Variants in ERLEC1 observed in about 807,000 individuals in gnomAD.
The protein encoded by ERLEC1 is endoplasmic reticulum lectin 1, also known as ER lectin.
A neutral mutation model predicts 68.0 loss-of-function variants in ERLEC1; 47 were observed. The ratio of observed to expected loss-of-function variants is 0.69; its 90% CI spans 0.55 to 0.88. ERLEC1 has a LOEUF of 0.88. ERLEC1 is among the 40% of genes least tolerant of loss of function. The pLI is 0.00. For synonymous variants in ERLEC1, 225 were observed against 203.2 expected (o/e 1.11, Z -0.91); for missense variants, 567 against 583.8 (o/e 0.97, Z 0.30).
rs958441336 is a variant in ERLEC1, at chr2:53,800,256, C to G, written c.526-1141C>G. Among the ~76,000 whole-genome samples the G allele has an allele frequency of 2.6e-5, 4 of 152,204 alleles. No individual in the cohort carries two copies. In the South Asian group the frequency reaches 8.3e-4, roughly 32 times the overall value. On this transcript the variant is annotated intron_variant, in intron 6 of 13. Coordinates refer to ENST00000185150, the MANE Select transcript of ERLEC1 (RefSeq NM_015701.5). ...TACCATTACAGAATATCAGTCATTT[C>G]TGCTACCGCAATGCCAATATCAAAT... is the stretch of plus-strand genomic sequence containing the variant.
intron 1 of ERLEC1, among the ~76,000 whole-genome samples, chr2:53,789,196 C>T (rs2104266249): frequency 6.6e-6 from 1 of 151,972 alleles, no homozygotes; most frequent in African/African-American, 2.4e-5. Flanking sequence ...GAATTCAAGA[C>T]AAGCCTGACC....
rs543341811 is a variant in ERLEC1, at chr2:53,812,044, A to G, written c.1102-905A>G. 3.3e-5 allele frequency among the ~76,000 whole-genome samples: 5 copies of G among 152,226 alleles called. No individual in the cohort carries two copies. The South Asian group carries it at 1.0e-3, about 32-fold the overall frequency. On this transcript the variant is annotated intron_variant, in intron 10 of 13. Coordinates refer to ENST00000185150, the MANE Select transcript of ERLEC1 (RefSeq NM_015701.5). ...GTGATTCTCCTGCCTCAGCCTCCCA[A>G]GTAGCTGGGGTTACAGGCATGCGCC...
intron 2 of ERLEC1, among the ~76,000 whole-genome samples, chr2:53,795,326 A>G (rs1463257756): frequency 6.6e-6 from 1 of 152,202 alleles, no homozygotes; most frequent in Admixed American, 6.5e-5. Context: ...CACTCAATAA[A>G]TTTATTAAGC....
At chr2:53,791,026 A>G (rs1164636359) in intron 1 of ERLEC1, among the ~76,000 whole-genome samples, 13 of 152,214 alleles carry the variant, frequency 8.5e-5, no homozygotes, top group Admixed American at 8.5e-4. Context: ...GATTTTCCCA[A>G]GCACTACTAT....
At chr2:53,797,493 G>T in intron 3 of ERLEC1, 22 bp from the exon 4 acceptor site, 1 of 1,583,830 alleles carries the variant, frequency 6.3e-7, no homozygotes, top group South Asian at 1.2e-5. Context: ...TTTGTGCATT[G>T]AAATATATCC....
At chr2:53,792,071 C>T (rs1675434684) in intron 1 of ERLEC1, among the ~76,000 whole-genome samples, 1 of 152,090 alleles carries the variant, frequency 6.6e-6, no homozygotes, top group South Asian at 2.1e-4. Flanking sequence ...GCCACCACGG[C>T]CGGCTAAATT....
intron 11 of ERLEC1, among the ~76,000 whole-genome samples, chr2:53,813,693 T>C (rs1010305313): frequency 5.9e-5 from 9 of 152,216 alleles, no homozygotes; most frequent in African/African-American, 2.2e-4. Flanking sequence ...TCTTGGGTAT[T>C]ACCTTTTCCT....
chr2:53,818,623 C>CA lies in ERLEC1; in HGVS notation c.*655dup, dbSNP rs1207601392. The CA allele has an allele frequency of 6.6e-6, 1 of 152,136 alleles. No individual in the cohort carries two copies. The allele number at this position is 152,136 out of a possible 1,614,324, so 9.4% of individuals were successfully genotyped here. On this transcript the variant is annotated 3_prime_UTR_variant, in exon 14 of 14. Coordinates refer to ENST00000185150, the MANE Select transcript of ERLEC1 (RefSeq NM_015701.5). ...TTCTTCTTATGAGTATGTTTACTCT[C>CA]AGAGTATCTATCTGATGTAGACAGT...
In ERLEC1 at chr2:53,788,374, G is replaced by GCAA. The variant is rs1675193028; in HGVS notation, c.162+1002_162+1003insCAA. On this transcript the variant is annotated intron_variant, in intron 1 of 13. Transcript: ENST00000185150. ...TATTTGCAAGTGTTAGGGGTTTTTTGGTTTGGTTTGGTTTGGTTTGGGTTT... is the reference window on the plus strand; with the variant it reads ...TATTTGCAAGTGTTAGGGGTTTTTTGCAAGTTTGGTTTGGTTTGGTTTGGGTTT... Among the ~76,000 whole-genome samples the GCAA allele has an allele frequency of 7.2e-5, 11 of 152,024 alleles. No individual in the cohort carries two copies. In the South Asian group the frequency reaches 2.3e-3, roughly 32 times the overall value.
chr2:53,799,210 G>C, intron 6 of ERLEC1, 129 bp downstream of exon 6: 1 of 741,900 alleles, frequency 1.3e-6, no homozygotes, highest in African/African-American at 1.8e-5. Flanking sequence ...TTGAAGGACT[G>C]GGTCAAAGAA....
rs1450556185 is a variant in ERLEC1 at position 53,808,440 on chromosome 2, G to A, written c.1021G>A (p.Gly341Ser). ...DDQLIKEFLS[G>S]SYCFRGGVGW... ...CCAACTCATAAAAGAGTTTCTTAGT[G>A]GTTCTTACTGCTTTCGTGGGGTGAG... The change falls in exon 9 of 14, where the codon GGT becomes AGT. Residue 341 changes from glycine (G) to serine (S), a missense_variant. Gly to Ser is a moderately conservative substitution (Grantham distance 56). Coordinates refer to ENST00000185150, the MANE Select transcript of ERLEC1 (RefSeq NM_015701.5). 9.9e-6 allele frequency: 16 copies of A among 1,613,508 alleles called. No homozygotes were observed. Among genetic ancestry groups the A allele is most frequent in the Non-Finnish European group, 1.3e-5 (15 of 1,179,918 alleles).
chr2:53,814,599 G>C lies in ERLEC1; in HGVS notation c.1283G>C (p.Arg428Thr), dbSNP rs1277924920. The change falls in exon 12 of 14, where the codon AGA (arginine) becomes ACA (threonine). Residue 428 changes from arginine to threonine, a missense_variant. Coordinates refer to ENST00000185150, the MANE Select transcript of ERLEC1 (RefSeq NM_015701.5). ...GDICDITDKP[R>T]QVTVKLKCKE... ...ATTTGTGATATAACTGACAAACCAA[G>C]ACAGGTGACTGTAAAACTAAAGTAA... The C allele has an allele frequency of 6.2e-7, 1 of 1,611,052 alleles. No homozygotes were observed. The highest frequency in any genetic ancestry group is 1.1e-5 in the South Asian group (1 of 90,658).
chr2:53,801,880 A>G (rs755281511), intron 8 of ERLEC1, 38 bp downstream of exon 8: 1 of 1,562,292 alleles, frequency 6.4e-7, no homozygotes, highest in Admixed American at 1.8e-5. Flanking sequence ...TTGGTGCTTC[A>G]TTTTTAAAAT....
At chr2:53,812,773 A>G (rs1676658157) in intron 10 of ERLEC1, among the ~76,000 whole-genome samples, 176 bp from the exon 11 acceptor site, 1 of 152,226 alleles carries the variant, frequency 6.6e-6, no homozygotes, top group Non-Finnish European at 1.5e-5. Flanking sequence ...AACAAGGAAT[A>G]AAGAAGATAA....
intron 2 of ERLEC1, 24 bp downstream of exon 2, chr2:53,794,473 T>A: frequency 9.4e-7 from 1 of 1,061,666 alleles, no homozygotes; most frequent in Non-Finnish European, 1.4e-6. Flanking sequence ...AATATATTGA[T>A]AATCCTGTCA....
At position 53,787,107 on chromosome 2, in the gene ERLEC1, G is replaced by A. The variant is rs752646034; in HGVS notation, c.-104G>A. 1.2e-5 allele frequency: 17 copies of A among 1,372,492 alleles called. No homozygotes were observed. In the African/African-American group the frequency reaches 1.9e-4, roughly 15 times the overall value. 85.0% of individuals were successfully genotyped at this position (1,372,492 alleles called of 1,614,324 possible). ...CGGCGGTTGGGCCGGTGATACCCGGGCGCTTTATAGTCCCGCCGCCTCCTC... is the reference window on the plus strand; with the variant it reads ...CGGCGGTTGGGCCGGTGATACCCGGACGCTTTATAGTCCCGCCGCCTCCTC... On this transcript the variant is annotated 5_prime_UTR_variant, in exon 1 of 14. Transcript: ENST00000185150.
At chr2:53,796,779 T>G (rs1381439684) in intron 3 of ERLEC1, among the ~76,000 whole-genome samples, 1 of 152,130 alleles carries the variant, frequency 6.6e-6, no homozygotes, top group African/African-American at 2.4e-5. Context: ...CTTATTCATT[T>G]AAATTCCTGT....
At chr2:53,788,931 G>GT (rs970470128) in intron 1 of ERLEC1, among the ~76,000 whole-genome samples, 1 of 151,584 alleles carries the variant, frequency 6.6e-6, no homozygotes, top group African/African-American at 2.4e-5. Flanking sequence ...TGGCACCTGT[G>GT]TTTTTTTTAA....
Position 53,812,276 on chromosome 2 carries a change from C to T in ERLEC1, c.1102-673C>T, listed in dbSNP as rs567490106. ...GTGCCCAGCATGGTTGTCTGGCATA[C>T]ACTATGAAGAAAGAAACCAAAGGAA... On this transcript the variant is annotated intron_variant, in intron 10 of 13. Transcript: ENST00000185150. 2.0e-5 allele frequency among the ~76,000 whole-genome samples: 3 copies of T among 152,012 alleles called. No homozygotes were observed. The South Asian group carries it at 6.2e-4, about 32-fold the overall frequency.
Sources: gnomAD v4.1 joint callset for allele counts (sites outside exome capture counted in the v4.1 genomes callset) on GRCh38, gnomAD v4.1.1 for gene constraint, MANE v1.5 for transcripts, NCBI Gene and HGNC (gene_info 2026-07-23, HGNC 2026-07-21) for gene names.